NRXN3: variants seen among roughly 807,000 people sequenced by gnomAD.
NRXN3 encodes neurexin 3.
A neutral mutation model predicts 137.6 loss-of-function variants in NRXN3; 32 were observed. The observed-to-expected ratio is 0.23, with a 90% confidence interval of 0.18 to 0.31. NRXN3 has a LOEUF of 0.31. Ranked by LOEUF, NRXN3 falls within the 10% of genes least tolerant of loss-of-function variation. The pLI is 1.00. For missense variants in NRXN3, 1,574 were observed against 2,062.5 expected (o/e 0.76, Z 4.59); for synonymous variants, 798 against 784.5 (o/e 1.02, Z -0.29).
intron 14 of NRXN3, among the ~76,000 whole-genome samples, chr14:78,981,739 A>G (rs926075580): frequency 2.6e-5 from 4 of 152,330 alleles, no homozygotes; most frequent in Admixed American, 2.6e-4. Context: ...TCTGATTTGT[A>G]CAAGATTATT....
intron 15 of NRXN3, among the ~76,000 whole-genome samples, chr14:79,305,263 T>C (rs1427063430): frequency 6.6e-6 from 1 of 152,068 alleles, no homozygotes; most frequent in Non-Finnish European, 1.5e-5. Context: ...CTCAGATAAA[T>C]GCCAGTCATT....
intron 4 of NRXN3, among the ~76,000 whole-genome samples, chr14:78,562,767 T>C (rs1357952377): frequency 6.6e-6 from 1 of 152,202 alleles, no homozygotes; most frequent in Non-Finnish European, 1.5e-5. Context: ...AGCCACTATA[T>C]TTTGGAATAG....
chr14:79,858,266 CT>C, intron 20 of NRXN3, among the ~76,000 whole-genome samples: 1 of 151,708 alleles, frequency 6.6e-6, no homozygotes, highest in African/African-American at 2.4e-5. Flanking sequence ...AACAAGTACA[CT>C]GTGGAAACTT....
In NRXN3 at chr14:79,753,176, C is replaced by T. The variant is rs1364884487; in HGVS notation, c.4015-51936C>T. 2.8e-4 allele frequency among the ~76,000 whole-genome samples: 43 copies of T among 151,992 alleles called. No homozygotes were observed. In the East Asian group the frequency reaches 6.4e-3, roughly 23 times the overall value. Reference sequence around the variant, plus strand: ...AGTCAGTGTGGCGATTCCTCAGGGACCAAGAACTAGAAATACCATTTGACC... The same window carrying T: ...AGTCAGTGTGGCGATTCCTCAGGGATCAAGAACTAGAAATACCATTTGACC... On this transcript the variant is annotated intron_variant, in intron 19 of 20. Coordinates refer to ENST00000335750, the MANE Select transcript of NRXN3 (RefSeq NM_001330195.2).
At chr14:79,289,481 G>A (rs555025810) in intron 15 of NRXN3, among the ~76,000 whole-genome samples, 17 of 152,204 alleles carry the variant, frequency 1.1e-4, no homozygotes, top group Middle Eastern at 3.4e-3. Flanking sequence ...TTAGCTGGGC[G>A]TGGTGGCATA....
intron 15 of NRXN3, among the ~76,000 whole-genome samples, chr14:79,007,358 A>G (rs1240327671): frequency 6.6e-6 from 1 of 152,040 alleles, no homozygotes; most frequent in Non-Finnish European, 1.5e-5. Context: ...GTTTCTGTCA[A>G]CTTTTAGTAT....
At chr14:78,941,971 A>G (rs1237574781) in intron 10 of NRXN3, among the ~76,000 whole-genome samples, 1 of 152,182 alleles carries the variant, frequency 6.6e-6, no homozygotes, top group East Asian at 1.9e-4. Flanking sequence ...GAAAATCTGA[A>G]AAAACTTGCT....
chr14:78,939,466 C>T (rs181274905), intron 10 of NRXN3, among the ~76,000 whole-genome samples: 17 of 152,190 alleles, frequency 1.1e-4, no homozygotes, highest in Admixed American at 1.1e-3. Context: ...ATTAGTCTTC[C>T]CTGCTGATGA....
intron 15 of NRXN3, among the ~76,000 whole-genome samples, chr14:79,416,702 C>G (rs1272929978): frequency 6.6e-6 from 1 of 152,138 alleles, no homozygotes; most frequent in Non-Finnish European, 1.5e-5. Context: ...ATTCAGCCCT[C>G]TCTTTCTGCA....
At chr14:78,584,127 C>T (rs1345429121) in intron 4 of NRXN3, among the ~76,000 whole-genome samples, 1 of 152,184 alleles carries the variant, frequency 6.6e-6, no homozygotes, top group East Asian at 1.9e-4. Context: ...ACCTCCTAAT[C>T]ACTAAACCAT....
chr14:78,947,290 C>A (rs2099367408), intron 10 of NRXN3, among the ~76,000 whole-genome samples: 2 of 152,168 alleles, frequency 1.3e-5, no homozygotes, highest in Admixed American at 6.5e-5. Context: ...CCTCTTTTCC[C>A]AATTTTACCT....
chr14:78,567,817 G>A (rs770150566), intron 4 of NRXN3, among the ~76,000 whole-genome samples: 9 of 150,088 alleles, frequency 6.0e-5, no homozygotes, highest in Non-Finnish European at 1.2e-4. Flanking sequence ...TAAGTGCACA[G>A]GAATATGGTG....
intron 15 of NRXN3, among the ~76,000 whole-genome samples, chr14:78,996,484 G>A (rs1308324246): frequency 1.3e-5 from 2 of 152,164 alleles, no homozygotes; most frequent in Admixed American, 6.5e-5. Flanking sequence ...ATTCATAGGG[G>A]TTTAGATTCA....
At chr14:79,756,923 G>C (rs1051649015) in intron 19 of NRXN3, among the ~76,000 whole-genome samples, 4 of 152,176 alleles carry the variant, frequency 2.6e-5, no homozygotes, top group Non-Finnish European at 5.9e-5. Flanking sequence ...TTTTGTGAGT[G>C]GTCAGCAGAT....
At chr14:78,815,161 A>G (rs888378979) in intron 10 of NRXN3, among the ~76,000 whole-genome samples, 2 of 152,142 alleles carry the variant, frequency 1.3e-5, no homozygotes, top group African/African-American at 4.8e-5. Flanking sequence ...CTGAAGACCC[A>G]CTAATTTCTC....
intron 4 of NRXN3, among the ~76,000 whole-genome samples, chr14:78,543,209 C>T (rs1600205970): frequency 6.6e-6 from 1 of 152,084 alleles, no homozygotes; most frequent in Non-Finnish European, 1.5e-5. Flanking sequence ...ATGTCCATTT[C>T]CTATAATCTC....
rs17109473 is a variant in NRXN3, at chr14:79,571,139, G to T, written c.3445-92639G>T. On this transcript the variant is annotated intron_variant, in intron 16 of 20. Transcript: ENST00000335750. ...ATTCATTCTTCCCTATGCTGGTGTG[G>T]AAATTTGCCACCCAATGGATGCCTG... 0.015 allele frequency among the ~76,000 whole-genome samples: 2,270 copies of T among 152,202 alleles called. 163 individuals are homozygous for T. The East Asian group carries it at 0.24, about 16-fold the overall frequency.
chr14:79,059,884 C>A (rs918865927), intron 15 of NRXN3, among the ~76,000 whole-genome samples: 1 of 152,178 alleles, frequency 6.6e-6, no homozygotes, highest in Non-Finnish European at 1.5e-5. Context: ...TCCCATCTCT[C>A]GAATCAGACA....
intron 15 of NRXN3, among the ~76,000 whole-genome samples, chr14:79,122,730 C>A (rs1026368335): frequency 6.6e-6 from 1 of 152,232 alleles, no homozygotes; most frequent in Middle Eastern, 3.4e-3. Flanking sequence ...TGTATACATT[C>A]TTTTATTTTC....
Sources: gnomAD v4.1 joint callset for allele counts (sites outside exome capture counted in the v4.1 genomes callset) on GRCh38, gnomAD v4.1.1 for gene constraint, MANE v1.5 for transcripts, NCBI Gene and HGNC (gene_info 2026-07-23, HGNC 2026-07-21) for gene names.